Variants in SEPTIN3 observed in about 807,000 individuals in gnomAD.
The protein encoded by SEPTIN3 is septin 3, also known as neuronal-specific septin-3.
Under a neutral mutation model 45.1 loss-of-function variants are expected in SEPTIN3, and 15 were observed. The ratio of observed to expected loss-of-function variants is 0.33; its 90% confidence interval spans 0.22 to 0.51. The LOEUF is 0.51. Ranked by LOEUF, SEPTIN3 falls within the 20% of genes least tolerant of loss-of-function variation. SEPTIN3 has a pLI of 0.97. For synonymous variants in SEPTIN3, 148 were observed against 164.8 expected (o/e 0.90, Z 0.78); for missense variants, 289 against 457.2 (o/e 0.63, Z 3.35).
rs1175919428 is a variant in SEPTIN3 at position 41,972,652 on chromosome 22, A to G, written c.1160A>G (p.Asp387Gly). Residue 387 changes from aspartate (D) to glycine (G), a missense_variant, in exon 2 of 12, where the codon GAC (aspartate) becomes GGC (glycine). By Grantham distance (94) the Asp-to-Gly change is moderately conservative. Around this residue, in one of 3 missense-constraint regions of SEPTIN3, gnomAD observed 200 missense variants for 315.1 expected, o/e 0.63. Coordinates refer to ENST00000644076, the MANE Select transcript of SEPTIN3 (RefSeq NM_001363845.2). ...EGIAMDSATS[D>G]PVKPDTITAT... ...ATAGCCATGGATTCAGCAACATCAG[A>G]CCCAGTCAAGCCGGACACAATCACA... 1.0e-5 allele frequency: 4 copies of G among 398,956 alleles called. No homozygotes were observed. Among genetic ancestry groups the G allele is most frequent in the Non-Finnish European group, 1.3e-5 (3 of 226,138 alleles). The allele number at this position is 398,956 out of a possible 1,614,324, so 24.7% of individuals were successfully genotyped here.
rs770353713 is a variant in SEPTIN3, at chr22:41,994,770, G to A, written c.2505+56G>A. On this transcript the variant is annotated intron_variant, in intron 11 of 11. Transcript: ENST00000644076. This position sits in a 1 kb window ranked among gnomAD's most constrained non-coding sequence, Gnocchi z 4.2. ...AGTAACCCATGACGACCACTTCTCTGTGTCATCACACATACCCACTTCACA... is the reference window on the plus strand; with the variant it reads ...AGTAACCCATGACGACCACTTCTCTATGTCATCACACATACCCACTTCACA... The A allele has an allele frequency of 6.2e-7, 1 of 1,613,780 alleles. No individual in the cohort carries two copies. The highest frequency in any genetic ancestry group is 1.7e-5 in the Admixed American group (1 of 60,020).
intron 2 of SEPTIN3, 160 bp from the exon 3 acceptor site, chr22:41,981,485 C>T (rs1240301604): frequency 3.3e-6 from 2 of 599,368 alleles, no homozygotes; most frequent in South Asian, 2.3e-5. Context: ...GCCTCAGTCT[C>T]TTTGTCTATG....
chr22:41,991,514 C>A, intron 7 of SEPTIN3, 59 bp from the exon 8 acceptor site: 1 of 1,234,310 alleles, frequency 8.1e-7, no homozygotes, highest in Non-Finnish European at 1.2e-6. Flanking sequence ...CAGGTGCACA[C>A]ACCCCTCTTT....
chr22:41,987,506 T>G, intron 5 of SEPTIN3, 116 bp from the exon 6 acceptor site: 1 of 1,341,204 alleles, frequency 7.5e-7, no homozygotes, highest in Non-Finnish European at 1.0e-6. Context: ...GCAGGTATCC[T>G]AGGCCCACCA....
intron 4 of SEPTIN3, among the ~76,000 whole-genome samples, chr22:41,986,666 A>C (rs2078213950): frequency 6.6e-6 from 1 of 151,436 alleles, no homozygotes; most frequent in South Asian, 2.1e-4. Flanking sequence ...CGCCCGGCTA[A>C]TTTTTTTTGT....
At chr22:41,985,277 G>A (rs1265931655) in intron 3 of SEPTIN3, among the ~76,000 whole-genome samples, 1 of 152,222 alleles carries the variant, frequency 6.6e-6, no homozygotes, top group Non-Finnish European at 1.5e-5. Flanking sequence ...TGGATGCAGG[G>A]GCCCTGCCTG....
At chr22:41,983,171 A>G (rs994615649) in intron 3 of SEPTIN3, among the ~76,000 whole-genome samples, 3 of 152,238 alleles carry the variant, frequency 2.0e-5, no homozygotes, top group Non-Finnish European at 4.4e-5. Flanking sequence ...ACCTGCAGCA[A>G]GATAAGCTCA....
intron 7 of SEPTIN3, 33 bp downstream of exon 7, chr22:41,989,717 C>T: frequency 7.3e-7 from 1 of 1,370,290 alleles, no homozygotes; most frequent in South Asian, 1.2e-5. Context: ...TTTCCTGTTC[C>T]CATCCCCTCC....
At chr22:41,989,269 T>C (rs1413118778) in intron 6 of SEPTIN3, among the ~76,000 whole-genome samples, 3 of 151,798 alleles carry the variant, frequency 2.0e-5, no homozygotes, top group African/African-American at 7.3e-5. Context: ...AGTCCACAGA[T>C]GCTCCCAGGA....
At chr22:41,974,181 G>A (rs2068953523) in intron 2 of SEPTIN3, among the ~76,000 whole-genome samples, 1 of 151,786 alleles carries the variant, frequency 6.6e-6, no homozygotes, top group Non-Finnish European at 1.5e-5. Flanking sequence ...AGGTTAACAG[G>A]GGTAACTTGT....
chr22:41,993,586 C>A (rs1462387650), intron 9 of SEPTIN3, among the ~76,000 whole-genome samples: 2 of 152,094 alleles, frequency 1.3e-5, no homozygotes, highest in African/African-American at 4.8e-5. Context: ...GAACTCCTGA[C>A]CTCAGGTGAT....
At chr22:41,981,871 G>A (rs1484273959) in intron 3 of SEPTIN3, 35 bp downstream of exon 3, 3 of 1,589,960 alleles carry the variant, frequency 1.9e-6, no homozygotes, top group Non-Finnish European at 2.6e-6. Context: ...CAGGCCTGGT[G>A]GCGGGCAGCA....
At chr22:41,985,841 C>A in intron 3 of SEPTIN3, 143 bp from the exon 4 acceptor site, 1 of 1,021,044 alleles carries the variant, frequency 9.8e-7, no homozygotes, top group Non-Finnish European at 1.4e-6. Flanking sequence ...GCAATCCCCA[C>A]TCAGCCTGGC....
chr22:41,988,776 A>G (rs1230512415), intron 6 of SEPTIN3, among the ~76,000 whole-genome samples: 1 of 152,118 alleles, frequency 6.6e-6, no homozygotes. Context: ...TTGGCCCTGC[A>G]GGACTAACTC....
intron 7 of SEPTIN3, among the ~76,000 whole-genome samples, chr22:41,991,026 G>A (rs1197350127): frequency 1.3e-5 from 2 of 150,214 alleles, no homozygotes; most frequent in African/African-American, 2.5e-5. Flanking sequence ...ATCGCACCAC[G>A]GTACTCCAGC....
intron 11 of SEPTIN3, chr22:41,996,620 G>A (rs1203433640): frequency 8.4e-7 from 1 of 1,193,522 alleles, no homozygotes; most frequent in African/African-American, 1.6e-5. Context: ...AAGTTACAGG[G>A]TAGGCACCTG....
At chr22:41,996,254 C>T (rs1466299321) in intron 11 of SEPTIN3, 2 of 985,210 alleles carry the variant, frequency 2.0e-6, no homozygotes, top group Non-Finnish European at 2.4e-6. Context: ...GCTTGTTGTA[C>T]AAGTAAGTTA....
chr22:41,975,200 T>C (rs2078006000), intron 2 of SEPTIN3, among the ~76,000 whole-genome samples: 1 of 152,196 alleles, frequency 6.6e-6, no homozygotes, highest in African/African-American at 2.4e-5. Context: ...TCATTTGGTC[T>C]TAGAAAGCCT....
In SEPTIN3 at chr22:41,994,920, T is replaced by A. The variant is rs2078401636; in HGVS notation, c.2505+206T>A. ...GTGTGTGTGTGTGTGTGTGTGTGTGTGTGACAGAGAGAGAGCGAGAGAGCC... is the reference window on the plus strand; with the variant it reads ...GTGTGTGTGTGTGTGTGTGTGTGTGAGTGACAGAGAGAGAGCGAGAGAGCC... On this transcript the variant is annotated intron_variant, in intron 11 of 11. Coordinates refer to ENST00000644076, the MANE Select transcript of SEPTIN3 (RefSeq NM_001363845.2). The surrounding 1 kb of genome is among the most constrained non-coding windows in gnomAD (Gnocchi z 4.2). The A allele has an allele frequency of 1.4e-6, 2 of 1,433,488 alleles. No homozygotes were observed. The highest frequency in any genetic ancestry group is 1.8e-6 in the Non-Finnish European group (2 of 1,090,692). 88.8% of individuals were successfully genotyped at this position (1,433,488 alleles called of 1,614,324 possible).
Sources: gnomAD v4.1 joint callset for allele counts (sites outside exome capture counted in the v4.1 genomes callset) on GRCh38, gnomAD v4.1.1 for gene constraint, gnomAD v4.1.1 regional missense constraint, Gnocchi (gnomAD v3.1) non-coding constraint, MANE v1.5 for transcripts, NCBI Gene and HGNC (gene_info 2026-07-23, HGNC 2026-07-21) for gene names.